RNPEP: variants seen among roughly 807,000 people sequenced by gnomAD.
The protein encoded by RNPEP is arginyl aminopeptidase, also known as aminopeptidase B.
A neutral mutation model predicts 70.1 loss-of-function variants in RNPEP; 57 were observed. The observed-to-expected ratio is 0.81, with a 90% CI of 0.66 to 1.01. RNPEP has a LOEUF of 1.01. Among genes scored for constraint, RNPEP ranks in the 50% least tolerant of loss-of-function variants. RNPEP has a pLI of 0.00. For synonymous variants in RNPEP, 335 were observed against 357.4 expected (o/e 0.94, Z 0.71); for missense variants, 787 against 852.4 (o/e 0.92, Z 0.96).
Position 201,997,519 on chromosome 1 carries a change from T to C in RNPEP, c.1055T>C (p.Met352Thr). 1 of 1,614,136 alleles carries C rather than the reference T, an allele frequency of 6.2e-7. No homozygotes were observed. Among genetic ancestry groups the C allele is most frequent in the South Asian group, 1.1e-5 (1 of 91,076 alleles). ...TTCTGGCTCAATGAAGGTTTCACCA[T>C]GTACGCCCAGAGGAGGATCTCCACC... ...GEFWLNEGFTMYAQRRISTIL... is the reference protein window; with the variant it reads ...GEFWLNEGFTTYAQRRISTIL... The change falls in exon 5 of 11, where the codon ATG becomes ACG. Residue 352 changes from methionine to threonine, a missense_variant. Physicochemically the swap from Met to Thr is moderately conservative, Grantham distance 81 (BLOSUM62 -1). Coordinates refer to ENST00000295640, the MANE Select transcript of RNPEP (RefSeq NM_020216.4).
chr1:201,999,149 G>A (rs1388542819), intron 5 of RNPEP, among the ~76,000 whole-genome samples: 1 of 152,082 alleles, frequency 6.6e-6, no homozygotes, highest in Non-Finnish European at 1.5e-5. Flanking sequence ...TCCAGGAGGT[G>A]GAGGATGCAG....
chr1:201,991,111 G>T (rs1445749471), intron 3 of RNPEP, among the ~76,000 whole-genome samples: 1 of 151,974 alleles, frequency 6.6e-6, no homozygotes, highest in Non-Finnish European at 1.5e-5. Flanking sequence ...GTCTTGTGGG[G>T]GGTTATTTAT....
Position 201,982,945 on chromosome 1 carries a change from G to C in RNPEP, c.279G>C (p.Leu93=), listed in dbSNP as rs1180380544. 3.4e-6 allele frequency: 5 copies of C among 1,485,440 alleles called. No homozygotes were observed. The highest frequency in any genetic ancestry group is 4.5e-6 in the Non-Finnish European group (5 of 1,120,660). 92.0% of individuals were successfully genotyped at this position (1,485,440 alleles called of 1,614,324 possible). A position where few individuals can be genotyped will look rare whatever the true frequency, so the allele number is the denominator to read the frequency against. ...GCCTGGAGGTGACGGCGGCGGCGCT[G>C]CGGCGGGAGCGGCCCGGCTCGGAGG... The part of the protein sequence containing the change: ...HPCLEVTAAA[L]RRERPGSEEP... The change falls in exon 1 of 11, where the codon CTG becomes CTC. Residue 93 remains leucine (L), a synonymous_variant. Transcript: ENST00000295640.
In RNPEP at chr1:201,999,932, C is replaced by T. The variant is rs140175504; in HGVS notation, c.1121C>T (p.Thr374Met). Reference protein sequence around the residue: ...GAAYTCLEAATGRALLRQHMD... With the variant: ...GAAYTCLEAAMGRALLRQHMD... ...GCGTACACCTGCTTGGAGGCTGCAA[C>T]GGGGCGGGCTCTGCTGCGTCAGCAC... Residue 374 changes from threonine to methionine, a missense_variant, in exon 6 of 11, where the codon ACG becomes ATG. Physicochemically the swap from Thr to Met is moderately conservative, Grantham distance 81. Transcript: ENST00000295640. 2.1e-5 allele frequency: 34 copies of T among 1,613,618 alleles called. 1 individual carries two copies. The highest frequency in any genetic ancestry group is 1.1e-4 in the African/African-American group (8 of 74,900).
At chr1:201,984,817 C>CTTTTTTT (rs1683066941) in intron 1 of RNPEP, among the ~76,000 whole-genome samples, 1 of 15,228 alleles carries the variant, frequency 6.6e-5, no homozygotes, top group South Asian at 2.0e-3. Flanking sequence ...TTTTGTATTT[C>CTTTTTTT]TTTCTTTTTT....
At chr1:202,003,530 A>C in intron 9 of RNPEP, 69 bp downstream of exon 9, 1 of 1,156,742 alleles carries the variant, frequency 8.6e-7, no homozygotes, top group Non-Finnish European at 1.3e-6. Context: ...AGGGAGGCTC[A>C]CAAAAAGTAG....
chr1:202,005,189 A>G (rs749443462), intron 10 of RNPEP, among the ~76,000 whole-genome samples: 1 of 152,166 alleles, frequency 6.6e-6, no homozygotes. Context: ...GCTGGACCGT[A>G]TGCGGCTGTG....
At chr1:201,988,214 C>A (rs1226365189) in intron 1 of RNPEP, among the ~76,000 whole-genome samples, 1 of 151,336 alleles carries the variant, frequency 6.6e-6, no homozygotes, top group Admixed American at 6.6e-5. Context: ...ATTCCCAGCA[C>A]TTTGGGAGAC....
At chr1:202,002,915 G>C (rs1683887971) in intron 8 of RNPEP, among the ~76,000 whole-genome samples, 3 of 152,170 alleles carry the variant, frequency 2.0e-5, no homozygotes, top group Admixed American at 6.5e-5. Flanking sequence ...CCTGGTCCTA[G>C]AGCCTGGGTG....
Position 201,982,951 on chromosome 1 carries a change from G to C in RNPEP, c.285G>C (p.Arg95=). The C allele has an allele frequency of 6.7e-7, 1 of 1,489,424 alleles. No homozygotes were observed. Among genetic ancestry groups the C allele is most frequent in the Non-Finnish European group, 8.9e-7 (1 of 1,122,710 alleles). 92.3% of individuals were successfully genotyped at this position (1,489,424 alleles called of 1,614,324 possible). ...AGGTGACGGCGGCGGCGCTGCGGCG[G>C]GAGCGGCCCGGCTCGGAGGAGCCGC... ...CLEVTAAALR[R]ERPGSEEPPA... is the part of the protein sequence containing the mutation. The change falls in exon 1 of 11, where the codon CGG becomes CGC. Residue 95 remains arginine (R), a synonymous_variant. Transcript: ENST00000295640.
At chr1:202,000,068 C>T in intron 6 of RNPEP, 53 bp downstream of exon 6, 1 of 1,351,952 alleles carries the variant, frequency 7.4e-7, no homozygotes, top group Admixed American at 1.9e-5. Context: ...AGCTTGGAGC[C>T]CCAAGTTAAT....
intron 1 of RNPEP, chr1:201,983,407 G>A: frequency 6.7e-7 from 1 of 1,491,042 alleles, no homozygotes; most frequent in East Asian, 2.8e-5. Context: ...TCCAGATTGC[G>A]CCGCATTCCC....
At chr1:201,998,109 A>C (rs1683634236) in intron 5 of RNPEP, among the ~76,000 whole-genome samples, 1 of 151,746 alleles carries the variant, frequency 6.6e-6, no homozygotes, top group Non-Finnish European at 1.5e-5. Flanking sequence ...TTTTTAATTT[A>C]CTGGTTGTTT....
chr1:201,984,821 C>CTTTTTTTTTTTTTTTTTTTTT (rs200795347), intron 1 of RNPEP, among the ~76,000 whole-genome samples: 7 of 122,042 alleles, frequency 5.7e-5, no homozygotes, highest in East Asian at 2.4e-4. Flanking sequence ...GTATTTCTTT[C>CTTTTTTTTTTTTTTTTTTTTT]TTTTTTTTTT....
At chr1:201,989,842 ATTT>A (rs796951976) in intron 3 of RNPEP, among the ~76,000 whole-genome samples, 1 of 142,254 alleles carries the variant, frequency 7.0e-6, no homozygotes. Flanking sequence ...TGGGAAATGG[ATTT>A]TTTTTTTTTT....
Position 202,000,274 on chromosome 1 carries a change from T to C in RNPEP, c.1204+259T>C, listed in dbSNP as rs182632443. 136 of 356,314 alleles carry C rather than the reference T, an allele frequency of 3.8e-4. 1 individual carries two copies. In the East Asian group the frequency reaches 5.8e-3, roughly 15 times the overall value. 22.1% of individuals were successfully genotyped at this position (356,314 alleles called of 1,614,324 possible). On this transcript the variant is annotated intron_variant, in intron 6 of 10. Coordinates refer to ENST00000295640, the MANE Select transcript of RNPEP (RefSeq NM_020216.4). Reference sequence around the variant, plus strand: ...TTTGCATTTGCACAAGTCCATATCGTTTTACCAGGCTCTTTCGCATTCCTT... The same window carrying C: ...TTTGCATTTGCACAAGTCCATATCGCTTTACCAGGCTCTTTCGCATTCCTT...
intron 3 of RNPEP, among the ~76,000 whole-genome samples, chr1:201,990,544 T>C (rs557878118): frequency 1.1e-4 from 16 of 152,364 alleles, no homozygotes; most frequent in African/African-American, 2.2e-4. Context: ...GCACTGTTGC[T>C]GTTCTTTATC....
At position 202,003,293 on chromosome 1, in the gene RNPEP, C is replaced by G. The variant is rs1356884335; in HGVS notation, c.1483C>G (p.Leu495Val). 6.2e-7 allele frequency: 1 copy of G among 1,614,152 alleles called. No homozygotes were observed. The highest frequency in any genetic ancestry group is 1.1e-5 in the South Asian group (1 of 91,084). ...CGGCTGGCCCCCGTACCTCCCTGAT[C>G]TCTCCCCTGGGGACTCACTCATGAA... ...TPGWPPYLPD[L>V]SPGDSLMKPA... Residue 495 changes from leucine (L) to valine (V), a missense_variant, in exon 9 of 11, where the codon CTC (leucine) becomes GTC (valine). Transcript: ENST00000295640.
rs200795347 is a variant in RNPEP at position 201,984,821 on chromosome 1, CTTTTTTTTTTTTTTTTTTTT to C, written c.447+1725_447+1744del. 4.9e-5 allele frequency among the ~76,000 whole-genome samples: 6 copies of C among 121,998 alleles called. 1 individual carries two copies. Among genetic ancestry groups the C allele is most frequent in the Admixed American group, 1.8e-4 (2 of 11,272 alleles). 80.0% of individuals were successfully genotyped at this position (121,998 alleles called of 152,430 possible). ...TTACTGCTAACTTTTGTATTTCTTT[CTTTTTTTTTTTTTTTTTTTT>C]TTTTTTTTTTTTTTTTGAGAAGGGA... is the stretch of plus-strand genomic sequence containing the variant. On this transcript the variant is annotated intron_variant, in intron 1 of 10. Coordinates refer to ENST00000295640, the MANE Select transcript of RNPEP (RefSeq NM_020216.4).
Sources: gnomAD v4.1 joint callset for allele counts (sites outside exome capture counted in the v4.1 genomes callset) on GRCh38, gnomAD v4.1.1 for gene constraint, MANE v1.5 for transcripts, NCBI Gene and HGNC (gene_info 2026-07-23, HGNC 2026-07-21) for gene names.